Variants in FBXO34 observed in about 807,000 individuals in gnomAD.
The protein encoded by FBXO34 is F-box only protein 34.
Under a neutral mutation model 24.5 loss-of-function variants are expected in FBXO34, and 12 were observed. The ratio of observed to expected loss-of-function variants is 0.49; its 90% CI spans 0.31 to 0.79. The LOEUF (loss-of-function observed/expected upper bound fraction) is 0.79, where lower values mean the gene tolerates loss of function less well. Ranked by LOEUF, FBXO34 falls within the 30% of genes least tolerant of loss-of-function variation. The pLI, the probability that FBXO34 is intolerant of heterozygous loss-of-function variation, is 0.04. For synonymous variants in FBXO34, 320 were observed against 311.9 expected (o/e 1.03, Z -0.27); for missense variants, 823 against 857.7 (o/e 0.96, Z 0.51).
intron 1 of FBXO34, among the ~76,000 whole-genome samples, chr14:55,316,179 T>G (rs1213233378): frequency 6.6e-6 from 1 of 152,158 alleles, no homozygotes; most frequent in Non-Finnish European, 1.5e-5. Flanking sequence ...AATGATTTCT[T>G]TTTCTCCAGA....
intron 1 of FBXO34, among the ~76,000 whole-genome samples, chr14:55,331,706 T>TAC (rs1883560606): frequency 2.2e-5 from 1 of 46,102 alleles, no homozygotes; most frequent in African/African-American, 2.2e-4. Flanking sequence ...TATATATATG[T>TAC]ATATATATAT....
At position 55,351,106 on chromosome 14, in the gene FBXO34, C is replaced by T; in HGVS notation, c.716C>T (p.Ser239Phe). ...AACTCACCTGCAATTGTGAGGTTTT[C>T]TGGCCAATCCAGAGGTGTGCCTGCA... ...CTNSPAIVRF[S>F]GQSRGVPAVS... is the part of the protein sequence containing the mutation. The change falls in exon 2 of 2, where the codon TCT becomes TTT. Residue 239 changes from serine to phenylalanine, a missense_variant. Ser to Phe is a radical substitution (Grantham distance 155). Transcript: ENST00000313833. 6.2e-7 allele frequency: 1 copy of T among 1,614,238 alleles called. No homozygotes were observed. The highest frequency in any genetic ancestry group is 8.5e-7 in the Non-Finnish European group (1 of 1,180,048).
chr14:55,314,513 G>C (rs1035711973), intron 1 of FBXO34, among the ~76,000 whole-genome samples: 2 of 143,626 alleles, frequency 1.4e-5, no homozygotes, highest in Non-Finnish European at 3.1e-5. Flanking sequence ...CCTTGAGTCT[G>C]TTCCCTGGGA....
the FBXO34 span, among the ~76,000 whole-genome samples, chr14:55,421,208 G>A: frequency 1.3e-5 from 2 of 152,142 alleles, no homozygotes; most frequent in South Asian, 2.1e-4. Flanking sequence ...ATGATACATG[G>A]CACTTATGAA....
intron 1 of FBXO34, among the ~76,000 whole-genome samples, chr14:55,325,348 A>C (rs1326121515): frequency 6.6e-6 from 1 of 152,224 alleles, no homozygotes; most frequent in African/African-American, 2.4e-5. Context: ...GTTTATGGGC[A>C]ATCTGAAAAT....
At chr14:55,320,105 C>G (rs992474276) in intron 1 of FBXO34, among the ~76,000 whole-genome samples, 3 of 152,178 alleles carry the variant, frequency 2.0e-5, no homozygotes, top group African/African-American at 7.2e-5. Context: ...TTATCCAGGT[C>G]CTTTAACTGC....
At chr14:55,418,367 A>G in the FBXO34 span, among the ~76,000 whole-genome samples, 5 of 152,318 alleles carry the variant, frequency 3.3e-5, no homozygotes, top group East Asian at 1.9e-4. Context: ...AACCTCCAAT[A>G]CTACGTGGAT....
chr14:55,416,554 T>TA, the FBXO34 span, among the ~76,000 whole-genome samples: 3 of 152,212 alleles, frequency 2.0e-5, no homozygotes, highest in African/African-American at 7.2e-5. Flanking sequence ...GAGAGTGAGT[T>TA]ACTGACACAC....
At position 55,296,377 on chromosome 14, in the gene FBXO34, C is replaced by G. The variant is rs888907872; in HGVS notation, c.-11+24840C>G. On this transcript the variant is annotated intron_variant, in intron 1 of 1. Coordinates refer to ENST00000313833, the MANE Select transcript of FBXO34 (RefSeq NM_017943.4). The stretch of plus-strand genomic sequence containing the variant: ...TAGACAGTGGGTAGGTTTTGCTGTT[C>G]TTGTGTTTTTTTTGTTTTTTTTTTT... Among the ~76,000 whole-genome samples the G allele has an allele frequency of 1.0e-3, 84 of 80,798 alleles. 1 individual carries two copies. The highest frequency in any genetic ancestry group is 1.6e-3 in the Non-Finnish European group (60 of 38,220). The allele number at this position is 80,798 out of a possible 152,430, so 53.0% of individuals were successfully genotyped here. A position where few individuals can be genotyped will look rare whatever the true frequency, so the allele number is the denominator to read the frequency against.
the FBXO34 span, chr14:55,382,013 A>C: frequency 1.2e-6 from 2 of 1,614,186 alleles, no homozygotes. Flanking sequence ...TAGGCAGAGT[A>C]GTCCCCATTG....
chr14:55,327,907 GGTTTT>G lies in FBXO34; in HGVS notation c.-10-22473_-10-22469del, dbSNP rs1255115326. ...TCATATGATTTTCTTTGTTGTTGTT[GGTTTT>G]TTTTTTTTTTTTTTTTTTTTTTTTT... On this transcript the variant is annotated intron_variant, in intron 1 of 1. Coordinates refer to ENST00000313833, the MANE Select transcript of FBXO34 (RefSeq NM_017943.4). 2.4e-3 allele frequency among the ~76,000 whole-genome samples: 174 copies of G among 73,838 alleles called. 1 individual carries two copies. The highest frequency in any genetic ancestry group is 8.7e-3 in the African/African-American group (167 of 19,286). The allele number at this position is 73,838 out of a possible 152,430, so 48.4% of individuals were successfully genotyped here.
At chr14:55,429,098 G>T in the FBXO34 span, 1 of 1,209,622 alleles carries the variant, frequency 8.3e-7, no homozygotes, top group Non-Finnish European at 1.1e-6. Context: ...GAAGCTGTAG[G>T]CTTTGTGAGG....
rs942808785 is a variant in FBXO34 at position 55,322,982 on chromosome 14, GCTAACA to G, written c.-10-27397_-10-27392del. On this transcript the variant is annotated intron_variant, in intron 1 of 1. Transcript: ENST00000313833. ...AGGTCAGGAGATCGAGACCATCCCG[GCTAACA>G]CGGTGAAACCCCATCTCTACTAAAA... Among the ~76,000 whole-genome samples the G allele has an allele frequency of 2.9e-5, 4 of 138,392 alleles. No homozygotes were observed. The Admixed American group carries it at 2.9e-4, about 10-fold the overall frequency. The allele number at this position is 138,392 out of a possible 152,430, so 90.8% of individuals were successfully genotyped here. A position where few individuals can be genotyped will look rare whatever the true frequency, so the allele number is the denominator to read the frequency against.
chr14:55,318,423 CTTT>C (rs35433368), intron 1 of FBXO34, among the ~76,000 whole-genome samples: 1 of 12,910 alleles, frequency 7.7e-5, no homozygotes. Flanking sequence ...CAGTCAGTAA[CTTT>C]TTTTTTTTTT....
the FBXO34 span, among the ~76,000 whole-genome samples, chr14:55,402,947 ATATATATATATATATAT>A: frequency 1.4e-5 from 1 of 73,832 alleles, no homozygotes; most frequent in Non-Finnish European, 2.8e-5. Context: ...ATATATATAT[ATATATATATATATATAT>A]ATATAAATAG....
intron 1 of FBXO34, among the ~76,000 whole-genome samples, chr14:55,290,994 T>A (rs960306431): frequency 6.6e-6 from 1 of 151,958 alleles, no homozygotes. Flanking sequence ...TAGTTTTTTT[T>A]TTGTATTTTT....
intron 1 of FBXO34, among the ~76,000 whole-genome samples, chr14:55,280,397 CAG>C (rs1317314773): frequency 6.6e-6 from 1 of 152,010 alleles, no homozygotes; most frequent in Non-Finnish European, 1.5e-5. Flanking sequence ...CTTGTCATGA[CAG>C]TACAGCATAA....
chr14:55,439,694 G>A, the FBXO34 span, among the ~76,000 whole-genome samples: 1 of 149,030 alleles, frequency 6.7e-6, no homozygotes, highest in East Asian at 2.0e-4. Context: ...ACTTTGGGAG[G>A]CCAAGGCGGG....
At chr14:55,283,970 G>GTC (rs147268834) in intron 1 of FBXO34, among the ~76,000 whole-genome samples, 14,852 of 151,328 alleles carry the variant, frequency 0.098, 2,191 homozygotes, top group African/African-American at 0.32. Context: ...GTGTGTGTGT[G>GTC]TGTGTCTGTG....
Sources: allele counts gnomAD v4.1 joint callset (sites outside exome capture counted in the v4.1 genomes callset), GRCh38; gene constraint gnomAD v4.1.1; transcripts MANE v1.5; gene names NCBI Gene and HGNC (gene_info 2026-07-23, HGNC 2026-07-21).